The following TMEM45A variants were observed in gnomAD, a reference collection of about 807,000 sequenced individuals.
TMEM45A encodes the protein DNA polymerase-transactivated protein 4.
TMEM45A carries 25 observed loss-of-function variants against 32.0 expected under a neutral mutation model. That is an observed-to-expected ratio of 0.78 (90% CI 0.57 to 1.09). The LOEUF is 1.09. TMEM45A is among the 50% of genes least tolerant of loss of function. The pLI, the probability that TMEM45A is intolerant of heterozygous loss-of-function variation, is 0.00. For missense variants in TMEM45A, 302 were observed against 325.0 expected, an observed-to-expected ratio of 0.93 and a Z score of 0.54; for synonymous variants, 122 against 114.8, an observed-to-expected ratio of 1.06 and a Z score of -0.40.
At chr3:100,562,779 T>TATTATTGGGAAAAATA (rs1240462173) in intron 4 of TMEM45A, among the ~76,000 whole-genome samples, 3 of 152,018 alleles carry the variant, frequency 2.0e-5, no homozygotes, top group Admixed American at 1.3e-4. Flanking sequence ...TCTCATGGGG[T>TATTATTGGGAAAAATA]TATTGGGAAA....
intron 1 of TMEM45A, among the ~76,000 whole-genome samples, chr3:100,537,798 G>A (rs1002670886): frequency 6.6e-6 from 1 of 152,372 alleles, no homozygotes; most frequent in African/African-American, 2.4e-5. Flanking sequence ...AAGCTGTGAT[G>A]CAAGTGAATG....
At position 100,568,847 on chromosome 3, in the gene TMEM45A, G is replaced by T; in HGVS notation, c.614G>T (p.Ser205Ile). ...ATTGGATTTGTCCTGTATCCCCCCA[G>T]TGGAGGTCCTGCATGGGATCTGATG... Reference protein sequence around the residue: ...FQIGFVLYPPSGGPAWDLMDH... With the variant: ...FQIGFVLYPPIGGPAWDLMDH... Residue 205 changes from serine to isoleucine, a missense_variant, in exon 5 of 6, where the codon AGT (serine) becomes ATT (isoleucine). Coordinates refer to ENST00000323523, the MANE Select transcript of TMEM45A (RefSeq NM_018004.3). The T allele has an allele frequency of 1.2e-6, 2 of 1,613,338 alleles. No individual in the cohort carries two copies. The highest frequency in any genetic ancestry group is 1.7e-6 in the Non-Finnish European group (2 of 1,179,426).
chr3:100,510,532 A>G (rs1430725903), intron 1 of TMEM45A, among the ~76,000 whole-genome samples: 1 of 152,242 alleles, frequency 6.6e-6, no homozygotes, highest in Non-Finnish European at 1.5e-5. Flanking sequence ...AACAGAGCAG[A>G]AAAACTGGAA....
At chr3:100,493,853 T>G (rs1707886160) in intron 1 of TMEM45A, among the ~76,000 whole-genome samples, 1 of 152,142 alleles carries the variant, frequency 6.6e-6, no homozygotes, top group African/African-American at 2.4e-5. Flanking sequence ...TGACTCAGCC[T>G]CCCAAGTAGC....
intron 1 of TMEM45A, among the ~76,000 whole-genome samples, chr3:100,546,750 A>G (rs1705986733): frequency 6.6e-6 from 1 of 152,202 alleles, no homozygotes; most frequent in Admixed American, 6.5e-5. Flanking sequence ...TATGTTATTT[A>G]ACCTACTCAA....
intron 1 of TMEM45A, among the ~76,000 whole-genome samples, chr3:100,549,273 A>C (rs931646554): frequency 1.3e-5 from 2 of 151,752 alleles, no homozygotes; most frequent in East Asian, 1.9e-4. Context: ...ACAAAAAAAC[A>C]AACAAAAAAA....
At chr3:100,527,690 C>T (rs1301799548) in intron 1 of TMEM45A, among the ~76,000 whole-genome samples, 1 of 152,212 alleles carries the variant, frequency 6.6e-6, no homozygotes, top group Non-Finnish European at 1.5e-5. Flanking sequence ...TATACCAGTT[C>T]ATGATGACCT....
chr3:100,550,747 A>G (rs1706080877), intron 1 of TMEM45A, among the ~76,000 whole-genome samples: 1 of 150,542 alleles, frequency 6.6e-6, no homozygotes, highest in South Asian at 2.1e-4. Context: ...GCCCAATATT[A>G]TCTCTTAAGG....
chr3:100,558,657 G>A, intron 4 of TMEM45A, 68 bp downstream of exon 4: 1 of 1,537,754 alleles, frequency 6.5e-7, no homozygotes, highest in Admixed American at 1.9e-5. Context: ...ATTTGATGAG[G>A]CAGTTTGCTC....
chr3:100,497,840 A>T (rs1707952095), intron 1 of TMEM45A, among the ~76,000 whole-genome samples: 1 of 152,080 alleles, frequency 6.6e-6, no homozygotes, highest in South Asian at 2.1e-4. Flanking sequence ...TTCACCTGTG[A>T]TGATTAGTTA....
intron 1 of TMEM45A, among the ~76,000 whole-genome samples, chr3:100,501,694 C>G (rs1014501790): frequency 6.6e-6 from 1 of 152,196 alleles, no homozygotes; most frequent in African/African-American, 2.4e-5. Context: ...TGTAGAGCTC[C>G]TATTAACTTC....
intron 1 of TMEM45A, among the ~76,000 whole-genome samples, chr3:100,551,075 G>A (rs901742558): frequency 2.7e-5 from 4 of 149,622 alleles, no homozygotes; most frequent in Middle Eastern, 6.4e-3. Context: ...GTGCAGTGGC[G>A]GGATCTCGGC....
chr3:100,540,233 T>C (rs1486650235), intron 1 of TMEM45A, among the ~76,000 whole-genome samples: 3 of 152,102 alleles, frequency 2.0e-5, no homozygotes, highest in African/African-American at 7.2e-5. Context: ...ATATTAATGG[T>C]GAAAGACACC....
intron 1 of TMEM45A, among the ~76,000 whole-genome samples, chr3:100,540,838 G>A (rs1234653233): frequency 6.6e-6 from 1 of 152,124 alleles, no homozygotes; most frequent in Non-Finnish European, 1.5e-5. Flanking sequence ...TTTCTTTTGG[G>A]TATATACCCA....
At chr3:100,509,555 T>A (rs1708125167) in intron 1 of TMEM45A, among the ~76,000 whole-genome samples, 2 of 152,158 alleles carry the variant, frequency 1.3e-5, no homozygotes, top group Non-Finnish European at 2.9e-5. Context: ...AATGAATGAA[T>A]GAATGGGTAA....
chr3:100,531,029 G>GT (rs1395547949), intron 1 of TMEM45A, among the ~76,000 whole-genome samples: 2 of 152,010 alleles, frequency 1.3e-5, no homozygotes, highest in African/African-American at 4.8e-5. Context: ...TACATTGGGT[G>GT]TATCTTGTTG....
rs368801003 is a variant in TMEM45A, at chr3:100,521,853, T to A, written c.-4+28925T>A. Among the ~76,000 whole-genome samples, 4 of 152,334 alleles carry A rather than the reference T, an allele frequency of 2.6e-5. No individual in the cohort carries two copies. In the East Asian group the frequency reaches 5.8e-4, roughly 22 times the overall value. Reference sequence around the variant, plus strand: ...GCCCCAGTACGGCTCTGGGCCACTTTCCATGACTGTGAAGTATATTTCTGC... The same window carrying A: ...GCCCCAGTACGGCTCTGGGCCACTTACCATGACTGTGAAGTATATTTCTGC... On this transcript the variant is annotated intron_variant, in intron 1 of 5. Transcript: ENST00000323523.
rs1706197308 is a variant in TMEM45A at position 100,555,365 on chromosome 3, T to C, written c.154T>C (p.Leu52=). 2 of 1,613,968 alleles carry C rather than the reference T, an allele frequency of 1.2e-6. No homozygotes were observed. Among genetic ancestry groups the C allele is most frequent in the East Asian group, 4.5e-5 (2 of 44,852 alleles). The stretch of plus-strand genomic sequence containing the variant: ...AACATTATTCTATCGATTGGAAATT[T>C]TGGAGGGAATTACAATAGTTGGCAT... ...SKTLFYRLEI[L]EGITIVGMAL... is the part of the protein sequence containing the mutation. Residue 52 remains leucine, a synonymous_variant, in exon 2 of 6, where the codon TTG becomes CTG. Coordinates refer to ENST00000323523, the MANE Select transcript of TMEM45A (RefSeq NM_018004.3).
chr3:100,515,149 A>G (rs1287563378), intron 1 of TMEM45A, among the ~76,000 whole-genome samples: 7 of 151,484 alleles, frequency 4.6e-5, no homozygotes, highest in African/African-American at 1.5e-4. Context: ...AGGACTATAA[A>G]TCATGCTGCT....
Sources: gnomAD v4.1 joint callset for allele counts (sites outside exome capture counted in the v4.1 genomes callset) on GRCh38, gnomAD v4.1.1 for gene constraint, MANE v1.5 for transcripts, NCBI Gene and HGNC (gene_info 2026-07-23, HGNC 2026-07-21) for gene names.